Variants in TAF3 observed in about 807,000 individuals in gnomAD.
TAF3 encodes TATA-box binding protein associated factor 3, also known as transcription initiation factor TFIID subunit 3.
In TAF3, 7 loss-of-function variants were observed where a neutral mutation model predicts 80.6. The observed-to-expected ratio is 0.09, with a 90% CI of 0.05 to 0.16. The LOEUF is 0.16. Ranked by LOEUF, TAF3 falls within the 10% of genes least tolerant of loss-of-function variation. The pLI, the probability that TAF3 is intolerant of heterozygous loss-of-function variation, is 1.00. For missense variants in TAF3, 921 were observed against 1,140.2 expected (o/e 0.81, Z 2.77); for synonymous variants, 444 against 446.1 (o/e 1.00, Z 0.06).
chr10:7,829,929 A>G (rs900691651), intron 2 of TAF3, among the ~76,000 whole-genome samples: 1 of 152,252 alleles, frequency 6.6e-6, no homozygotes, highest in Non-Finnish European at 1.5e-5. Flanking sequence ...ACCCTTTAAA[A>G]GTAAACATTT....
At chr10:7,977,363 A>G (rs756892870) in intron 4 of TAF3, 40 bp downstream of exon 4, 1 of 1,592,844 alleles carries the variant, frequency 6.3e-7, no homozygotes, top group Non-Finnish European at 8.6e-7. Flanking sequence ...AACAAATGAA[A>G]TTTAACCTTC....
intron 1 of TAF3, among the ~76,000 whole-genome samples, chr10:7,820,159 C>T (rs923671579): frequency 4.6e-5 from 7 of 152,152 alleles, no homozygotes; most frequent in Admixed American, 6.5e-5. Context: ...TTGCCCGTGG[C>T]CCACCAATAG....
chr10:7,899,539 A>T (rs1464681782), intron 2 of TAF3, among the ~76,000 whole-genome samples: 1 of 152,138 alleles, frequency 6.6e-6, no homozygotes, highest in African/African-American at 2.4e-5. Context: ...CATCTTCTAG[A>T]ACATTGCTTT....
At chr10:7,953,841 C>T (rs1838107732) in intron 2 of TAF3, among the ~76,000 whole-genome samples, 1 of 151,568 alleles carries the variant, frequency 6.6e-6, no homozygotes, top group Non-Finnish European at 1.5e-5. Flanking sequence ...AGAGTGCACG[C>T]CATAGGCAAA....
chr10:8,005,124 C>T (rs1383799688), intron 4 of TAF3, among the ~76,000 whole-genome samples: 2 of 152,170 alleles, frequency 1.3e-5, no homozygotes, highest in African/African-American at 4.8e-5. Flanking sequence ...TCTGTGACTT[C>T]CTACGACCTA....
At chr10:7,948,367 G>C (rs750265069) in intron 2 of TAF3, among the ~76,000 whole-genome samples, 1 of 151,818 alleles carries the variant, frequency 6.6e-6, no homozygotes, top group Non-Finnish European at 1.5e-5. Context: ...GGGATTACAG[G>C]CATGAACCAG....
intron 2 of TAF3, among the ~76,000 whole-genome samples, chr10:7,936,020 G>T (rs1163976025): frequency 6.6e-6 from 1 of 152,132 alleles, no homozygotes; most frequent in Non-Finnish European, 1.5e-5. Flanking sequence ...TCCTGATGGA[G>T]GCTGTGGGGA....
chr10:7,985,058 A>G (rs1303753067), intron 4 of TAF3, among the ~76,000 whole-genome samples: 4 of 152,190 alleles, frequency 2.6e-5, no homozygotes, highest in South Asian at 2.1e-4. Context: ...GCATGGTGCA[A>G]CATCTCTTCG....
At chr10:8,012,798 A>G (rs1832067730) in intron 5 of TAF3, among the ~76,000 whole-genome samples, 2 of 152,226 alleles carry the variant, frequency 1.3e-5, no homozygotes, top group Admixed American at 6.5e-5. Flanking sequence ...ACACACAAAG[A>G]AAGCCTTTCT....
chr10:7,841,553 A>G (rs893169996), intron 2 of TAF3, among the ~76,000 whole-genome samples: 2 of 152,214 alleles, frequency 1.3e-5, no homozygotes, highest in Non-Finnish European at 2.9e-5. Flanking sequence ...GGTTAGGATG[A>G]TTTCATTATA....
At chr10:7,890,452 C>T (rs1185877919) in intron 2 of TAF3, among the ~76,000 whole-genome samples, 1 of 152,048 alleles carries the variant, frequency 6.6e-6, no homozygotes, top group Non-Finnish European at 1.5e-5. Flanking sequence ...GTTGGTTAAT[C>T]GCAGAAAAGA....
chr10:7,887,244 A>G (rs1036499242), intron 2 of TAF3, among the ~76,000 whole-genome samples: 19 of 151,682 alleles, frequency 1.3e-4, no homozygotes, highest in African/African-American at 4.4e-4. Flanking sequence ...AAAAAAAAAA[A>G]AAAAGAAAGA....
chr10:7,880,296 CTT>C (rs1358617562), intron 2 of TAF3, among the ~76,000 whole-genome samples: 1 of 152,120 alleles, frequency 6.6e-6, no homozygotes, highest in African/African-American at 2.4e-5. Context: ...GGGGAAATAA[CTT>C]TGATTTATCA....
chr10:7,879,832 A>C (rs773363497), intron 2 of TAF3, among the ~76,000 whole-genome samples: 1 of 152,210 alleles, frequency 6.6e-6, no homozygotes, highest in Non-Finnish European at 1.5e-5. Flanking sequence ...AATAAAATAC[A>C]TATTTGGATT....
At chr10:7,851,701 G>A (rs1837028133) in intron 2 of TAF3, among the ~76,000 whole-genome samples, 1 of 152,080 alleles carries the variant, frequency 6.6e-6, no homozygotes, top group African/African-American at 2.4e-5. Flanking sequence ...ACCCACAAAT[G>A]TTTTAAGCAT....
intron 2 of TAF3, among the ~76,000 whole-genome samples, chr10:7,861,977 A>AT (rs1004912852): frequency 6.6e-6 from 1 of 151,686 alleles, no homozygotes; most frequent in Non-Finnish European, 1.5e-5. Context: ...TGTTCTGCTC[A>AT]TTTTTTTCAG....
intron 2 of TAF3, among the ~76,000 whole-genome samples, chr10:7,963,312 G>A (rs1427000333): frequency 6.6e-6 from 1 of 152,192 alleles, no homozygotes; most frequent in African/African-American, 2.4e-5. Flanking sequence ...GAGAGATAGA[G>A]AAAGATGGCA....
chr10:8,007,562 TTATATATATATATATATATATA>T (rs34833399), intron 4 of TAF3, among the ~76,000 whole-genome samples: 1,172 of 60,536 alleles, frequency 0.019, 37 homozygotes, highest in African/African-American at 0.04. Context: ...GTGTGTGAAA[TTATATATATATATATATATATA>T]TATATATATA....
chr10:7,890,293 C>A (rs1416905779), intron 2 of TAF3, among the ~76,000 whole-genome samples: 1 of 152,166 alleles, frequency 6.6e-6, no homozygotes, highest in Admixed American at 6.5e-5. Flanking sequence ...TCAGATTCTC[C>A]TTAGCCTCTC....
Sources: gnomAD v4.1 joint callset for allele counts (sites outside exome capture counted in the v4.1 genomes callset) on GRCh38, gnomAD v4.1.1 for gene constraint, MANE v1.5 for transcripts, NCBI Gene and HGNC (gene_info 2026-07-23, HGNC 2026-07-21) for gene names.